The following GUCY2F variants were observed in gnomAD, a reference collection of about 807,000 sequenced individuals.
GUCY2F encodes the protein retinal guanylyl cyclase 2.
GUCY2F carries 61 observed loss-of-function variants against 73.1 expected under a neutral mutation model. That is an observed-to-expected ratio of 0.83 (90% CI 0.68 to 1.03). The LOEUF is 1.03. GUCY2F is among the 50% of genes least tolerant of loss of function. GUCY2F has a pLI of 0.00. For synonymous variants in GUCY2F, 331 were observed against 307.8 expected (o/e 1.08, Z -0.79); for missense variants, 912 against 854.3 (o/e 1.07, Z -0.84).
chrX:109,405,312 G>A (rs151113679), intron 9 of GUCY2F, among the ~76,000 whole-genome samples: 2 of 111,641 alleles, frequency 1.8e-5, no homozygotes, highest in Admixed American at 9.5e-5. Context: ...GAAGAAAGAG[G>A]GTTGAGTAAA....
Position 109,475,603 on chromosome X carries a change from T to A in GUCY2F, c.334A>T (p.Ser112Cys). The change falls in exon 2 of 20, where the codon AGT becomes TGT. Residue 112 changes from serine to cysteine, a missense_variant. Coordinates refer to ENST00000218006, the MANE Select transcript of GUCY2F (RefSeq NM_001522.3). ...EDCQTSRALS[S>C]FISHHQMASG... Reference sequence around the variant, plus strand: ...GCCATCTGGTGGTGGGAAATGAAACTGGAGAGAGCCCTCGAAGTCTGGCAG... The same window carrying A: ...GCCATCTGGTGGTGGGAAATGAAACAGGAGAGAGCCCTCGAAGTCTGGCAG... The A allele has an allele frequency of 8.3e-7, 1 of 1,210,906 alleles. No individual in the cohort carries two copies. Among genetic ancestry groups the A allele is most frequent in the Non-Finnish European group, 1.1e-6 (1 of 894,792 alleles).
chrX:109,419,113 A>G (rs890055368), intron 8 of GUCY2F, among the ~76,000 whole-genome samples: 4 of 110,614 alleles, frequency 3.6e-5, no homozygotes, highest in African/African-American at 1.3e-4. Flanking sequence ...CCACAAAGAA[A>G]ATCCAAGGAC....
rs770854420 is a variant in GUCY2F at position 109,475,608 on chromosome X, A to C, written c.329T>G (p.Leu110Arg). Residue 110 changes from leucine to arginine, a missense_variant, in exon 2 of 20, where the codon CTC becomes CGC. Coordinates refer to ENST00000218006, the MANE Select transcript of GUCY2F (RefSeq NM_001522.3). ...CTGGTGGTGGGAAATGAAACTGGAG[A>C]GAGCCCTCGAAGTCTGGCAGTCTTC... Reference protein sequence around the residue: ...LNEDCQTSRALSSFISHHQMA... With the variant: ...LNEDCQTSRARSSFISHHQMA... 3 of 1,210,877 alleles carry C rather than the reference A, an allele frequency of 2.5e-6. No individual in the cohort carries two copies. The highest frequency in any genetic ancestry group is 3.4e-6 in the Non-Finnish European group (3 of 894,684).
chrX:109,376,087 G>C lies in GUCY2F; in HGVS notation c.3231C>G (p.Asp1077Glu). ...ATGTGAACTCCACTTACCCATCTTT[G>C]TCCACTGGTGGGGGCACAGGAAGGG... Reference protein sequence around the residue: ...MKPLPVPPPVDKDGQVGHGLQ... With the variant: ...MKPLPVPPPVEKDGQVGHGLQ... Residue 1077 changes from aspartate to glutamate, a missense_variant, in exon 18 of 20, where the codon GAC becomes GAG. Transcript: ENST00000218006. The C allele has an allele frequency of 8.4e-7, 1 of 1,195,790 alleles. No homozygotes were observed. Among genetic ancestry groups the C allele is most frequent in the Non-Finnish European group, 1.1e-6 (1 of 880,853 alleles).
chrX:109,475,997 C>T lies in GUCY2F; in HGVS notation c.-61G>A. ...CTGGAGAGTTATTCTGCTTTCCCGA[C>T]ACAGACGGTGGTGTTTCCAAATGCC... On this transcript the variant is annotated 5_prime_UTR_variant, in exon 2 of 20. Coordinates refer to ENST00000218006, the MANE Select transcript of GUCY2F (RefSeq NM_001522.3). 9.6e-7 allele frequency: 1 copy of T among 1,044,399 alleles called. No homozygotes were observed. The allele number at this position is 1,044,399 out of a possible 1,213,427, so 86.1% of individuals were successfully genotyped here.
At chrX:109,441,924 A>G (rs2147272852) in intron 6 of GUCY2F, among the ~76,000 whole-genome samples, 1 of 112,266 alleles carries the variant, frequency 8.9e-6, no homozygotes, top group Non-Finnish European at 1.9e-5. Flanking sequence ...CTAGGACAGC[A>G]TCCCACCTTG....
intron 2 of GUCY2F, among the ~76,000 whole-genome samples, chrX:109,468,178 T>C (rs1277760886): frequency 1.8e-5 from 2 of 112,017 alleles, no homozygotes; most frequent in Non-Finnish European, 3.8e-5. Flanking sequence ...CAGGCTGCTT[T>C]CCAGGGAAAC....
chrX:109,389,579 C>A (rs1337727750), intron 14 of GUCY2F, among the ~76,000 whole-genome samples: 2 of 111,935 alleles, frequency 1.8e-5, no homozygotes, highest in East Asian at 5.6e-4. Context: ...TGGCCATGGG[C>A]AAATCACTTA....
chrX:109,458,154 A>G (rs142543442), intron 3 of GUCY2F, among the ~76,000 whole-genome samples: 98 of 112,166 alleles, frequency 8.7e-4, no homozygotes, highest in African/African-American at 3.0e-3. Context: ...AATTCAATAA[A>G]TCTATTCAAA....
At chrX:109,422,554 TA>T (rs758284531) in intron 8 of GUCY2F, among the ~76,000 whole-genome samples, 2 of 111,636 alleles carry the variant, frequency 1.8e-5, no homozygotes. Flanking sequence ...GAATTAAAAA[TA>T]AAAAACACTA....
intron 4 of GUCY2F, among the ~76,000 whole-genome samples, chrX:109,452,584 T>C (rs1010784831): frequency 1.1e-4 from 12 of 111,932 alleles, no homozygotes; most frequent in Admixed American, 2.9e-4. Flanking sequence ...AAGTCTGGTT[T>C]TGATAATTAG....
intron 8 of GUCY2F, among the ~76,000 whole-genome samples, chrX:109,412,478 T>C (rs748381348): frequency 8.9e-6 from 1 of 111,985 alleles, no homozygotes; most frequent in Non-Finnish European, 1.9e-5. Context: ...CTTCATCCAC[T>C]GCAACCTAAA....
At chrX:109,437,215 C>G (rs1051865216) in intron 7 of GUCY2F, among the ~76,000 whole-genome samples, 1 of 111,670 alleles carries the variant, frequency 9.0e-6, no homozygotes, top group Non-Finnish European at 1.9e-5. Flanking sequence ...CCTTCACACC[C>G]TGCCATCAGC....
intron 6 of GUCY2F, among the ~76,000 whole-genome samples, chrX:109,442,287 C>T (rs1931891670): frequency 9.0e-6 from 1 of 111,285 alleles, no homozygotes. Flanking sequence ...ACAGGTTCCT[C>T]ATATTCTCCA....
intron 1 of GUCY2F, among the ~76,000 whole-genome samples, chrX:109,479,203 T>C (rs1603387132): frequency 8.9e-6 from 1 of 112,323 alleles, no homozygotes. Context: ...TCTTTGAGAA[T>C]GGAAATCTTG....
chrX:109,457,657 C>A (rs1384665515), intron 3 of GUCY2F, among the ~76,000 whole-genome samples: 1 of 111,261 alleles, frequency 9.0e-6, no homozygotes, highest in Non-Finnish European at 1.9e-5. Context: ...CCTTTTCTGA[C>A]AACCTTGTTT....
intron 17 of GUCY2F, among the ~76,000 whole-genome samples, chrX:109,378,640 CTGCTTGTGTGTGT>C (rs1181494394): frequency 3.6e-5 from 4 of 111,361 alleles, no homozygotes; most frequent in African/African-American, 1.3e-4. Context: ...CATACACACA[CTGCTTGTGTGTGT>C]ATGCTGGGGT....
intron 15 of GUCY2F, among the ~76,000 whole-genome samples, chrX:109,386,695 A>G (rs1930445019): frequency 8.9e-6 from 1 of 111,753 alleles, no homozygotes; most frequent in Non-Finnish European, 1.9e-5. Context: ...AAAGGAGGCA[A>G]TGATAAGAAG....
chrX:109,427,957 T>C (rs955358985), intron 8 of GUCY2F, among the ~76,000 whole-genome samples: 1 of 112,132 alleles, frequency 8.9e-6, no homozygotes, highest in Non-Finnish European at 1.9e-5. Flanking sequence ...GATAGACAGA[T>C]TGATTGATAT....
Sources: gnomAD v4.1 joint callset for allele counts (sites outside exome capture counted in the v4.1 genomes callset) on GRCh38, gnomAD v4.1.1 for gene constraint, MANE v1.5 for transcripts, NCBI Gene and HGNC (gene_info 2026-07-23, HGNC 2026-07-21) for gene names.